The following NUSAP1 variants were observed in gnomAD, a reference collection of about 807,000 sequenced individuals.
The protein encoded by NUSAP1 is nucleolar and spindle-associated protein 1.
A neutral mutation model predicts 52.8 loss-of-function variants in NUSAP1; 32 were observed. That is an observed-to-expected ratio of 0.61 (90% CI 0.46 to 0.81). The LOEUF (loss-of-function observed/expected upper bound fraction) is 0.81. NUSAP1 is among the 40% of genes least tolerant of loss of function. NUSAP1 has a pLI of 0.00. For missense variants in NUSAP1, 499 were observed against 522.3 expected, an observed-to-expected ratio of 0.96 and a Z score of 0.43; for synonymous variants, 195 against 183.1, an observed-to-expected ratio of 1.06 and a Z score of -0.52.
chr15:41,341,159 G>A (rs564117108), intron 1 of NUSAP1, among the ~76,000 whole-genome samples: 1 of 152,272 alleles, frequency 6.6e-6, no homozygotes, highest in African/African-American at 2.4e-5. Context: ...TTCGCCTCCT[G>A]GGTTCAAGCA....
intron 8 of NUSAP1, among the ~76,000 whole-genome samples, chr15:41,374,700 G>A (rs1337398612): frequency 6.7e-6 from 1 of 149,892 alleles, no homozygotes; most frequent in Admixed American, 6.7e-5. Flanking sequence ...GCTAATTTTT[G>A]TATTTTAGTA....
At chr15:41,366,614 A>G (rs928233225) in intron 7 of NUSAP1, among the ~76,000 whole-genome samples, 10 of 152,268 alleles carry the variant, frequency 6.6e-5, no homozygotes, top group Non-Finnish European at 1.0e-4. Context: ...TAAATTTCTC[A>G]TTCAAATCAT....
intron 1 of NUSAP1, among the ~76,000 whole-genome samples, chr15:41,341,959 ACTC>A (rs2048382009): frequency 6.6e-6 from 1 of 151,754 alleles, no homozygotes; most frequent in Non-Finnish European, 1.5e-5. Context: ...AGTTCTTCAA[ACTC>A]CACCCTCATT....
intron 1 of NUSAP1, among the ~76,000 whole-genome samples, chr15:41,339,974 T>C (rs931900710): frequency 4.0e-5 from 6 of 151,418 alleles, no homozygotes; most frequent in Admixed American, 4.0e-4. Context: ...GGTTTCACCC[T>C]GTTGGCCAGG....
chr15:41,337,931 CTTTTTTT>C lies in NUSAP1; in HGVS notation c.94-4442_94-4436del, dbSNP rs757341496. Among the ~76,000 whole-genome samples the C allele has an allele frequency of 4.1e-4, 45 of 110,958 alleles. 1 individual carries two copies. The highest frequency in any genetic ancestry group is 1.1e-3 in the South Asian group (4 of 3,530). 72.8% of individuals were successfully genotyped at this position (110,958 alleles called of 152,430 possible). ...CCCATTTTTTTTTCTTTTCTTTTTT[CTTTTTTT>C]TTTTTTTTTTTTGAGTCACAGTCTT... is the stretch of plus-strand genomic sequence containing the variant. On this transcript the variant is annotated intron_variant, in intron 1 of 10. Transcript: ENST00000559596.
chr15:41,366,144 A>G (rs528383745), intron 7 of NUSAP1, among the ~76,000 whole-genome samples: 46 of 151,988 alleles, frequency 3.0e-4, no homozygotes, highest in African/African-American at 1.1e-3. Context: ...TGAAACCACC[A>G]TGCGCAGCTA....
chr15:41,356,608 C>T (rs8028208), intron 5 of NUSAP1, among the ~76,000 whole-genome samples: 2,373 of 152,234 alleles, frequency 0.016, 72 homozygotes, highest in African/African-American at 0.055. Flanking sequence ...CTGCCTCGGC[C>T]TCCCAAAGTG....
At chr15:41,369,289 G>C (rs1187795158) in intron 7 of NUSAP1, among the ~76,000 whole-genome samples, 1 of 151,924 alleles carries the variant, frequency 6.6e-6, no homozygotes, top group Non-Finnish European at 1.5e-5. Flanking sequence ...TTTAAGTTTA[G>C]AATTCTATTT....
rs138501575 is a variant in NUSAP1 at position 41,338,097 on chromosome 15, T to C, written c.94-4289T>C. ...ATAGGTGCCTGCCACCATGCCCAGC[T>C]AATTTTTTTGTATTTTTAGTAGAGA... On this transcript the variant is annotated intron_variant, in intron 1 of 10. Coordinates refer to ENST00000559596, the MANE Select transcript of NUSAP1 (RefSeq NM_016359.5). Among the ~76,000 whole-genome samples the C allele has an allele frequency of 1.6e-4, 24 of 152,044 alleles. No homozygotes were observed. In the East Asian group the frequency reaches 4.6e-3, roughly 29 times the overall value.
chr15:41,368,972 G>C (rs1389586354), intron 7 of NUSAP1, among the ~76,000 whole-genome samples: 1 of 151,902 alleles, frequency 6.6e-6, no homozygotes, highest in African/African-American at 2.4e-5. Context: ...GGCTGGTCTA[G>C]AAATCCTGGC....
intron 4 of NUSAP1, 71 bp from the exon 5 acceptor site, chr15:41,355,968 G>A (rs1315885144): frequency 8.7e-6 from 8 of 917,510 alleles, no homozygotes; most frequent in African/African-American, 1.7e-5. Context: ...GTGAGCTACC[G>A]TGCCCGGCCA....
intron 10 of NUSAP1, among the ~76,000 whole-genome samples, chr15:41,377,874 G>T (rs1363290924): frequency 6.6e-6 from 1 of 151,134 alleles, no homozygotes; most frequent in Non-Finnish European, 1.5e-5. Flanking sequence ...GGTGGCGGGC[G>T]CCTGTAGTCC....
intron 8 of NUSAP1, 31 bp from the exon 9 acceptor site, chr15:41,375,681 A>C: frequency 7.5e-7 from 1 of 1,333,234 alleles, no homozygotes; most frequent in Non-Finnish European, 1.1e-6. Flanking sequence ...GTTTCTAATT[A>C]AGCTCTTGGG....
intron 5 of NUSAP1, among the ~76,000 whole-genome samples, chr15:41,357,069 T>C (rs535674222): frequency 6.6e-6 from 1 of 152,218 alleles, no homozygotes; most frequent in African/African-American, 2.4e-5. Flanking sequence ...TTTTAAAGAA[T>C]TTAAAAACAA....
intron 8 of NUSAP1, among the ~76,000 whole-genome samples, chr15:41,372,847 G>A (rs1173186804): frequency 6.6e-6 from 1 of 152,096 alleles, no homozygotes; most frequent in African/African-American, 2.4e-5. Context: ...CAGCACTTAG[G>A]GAGGCCGAGG....
rs57501156 is a variant in NUSAP1, at chr15:41,368,728, C to CTT, written c.849-2776_849-2775dup. Among the ~76,000 whole-genome samples the CTT allele has an allele frequency of 7.0e-3, 545 of 77,870 alleles. 12 individuals are homozygous for CTT. Among genetic ancestry groups the CTT allele is most frequent in the African/African-American group, 0.014 (262 of 19,050 alleles). 51.1% of individuals were successfully genotyped at this position (77,870 alleles called of 152,430 possible). ...ACATAATTGTATTTTTTATTTTATT[C>CTT]TTTTTTTTTTTTTTTTTTTTTTTTG... is the stretch of plus-strand genomic sequence containing the variant. On this transcript the variant is annotated intron_variant, in intron 7 of 10. Transcript: ENST00000559596.
intron 6 of NUSAP1, among the ~76,000 whole-genome samples, chr15:41,364,193 C>CT (rs2049295600): frequency 6.6e-6 from 1 of 152,038 alleles, no homozygotes. Context: ...CCAAAATAAT[C>CT]TTTTTTTCTT....
At chr15:41,335,106 A>T (rs1435561177) in intron 1 of NUSAP1, among the ~76,000 whole-genome samples, 1 of 151,778 alleles carries the variant, frequency 6.6e-6, no homozygotes, top group Non-Finnish European at 1.5e-5. Context: ...CATTAAGTCA[A>T]TTGCCTTTTG....
intron 4 of NUSAP1, among the ~76,000 whole-genome samples, chr15:41,355,822 G>T (rs550085356): frequency 6.6e-6 from 1 of 151,670 alleles, no homozygotes; most frequent in African/African-American, 2.4e-5. Context: ...GACTACAGGC[G>T]CCCACCACCA....
Sources: gnomAD v4.1 joint callset for allele counts (sites outside exome capture counted in the v4.1 genomes callset) on GRCh38, gnomAD v4.1.1 for gene constraint, MANE v1.5 for transcripts, NCBI Gene and HGNC (gene_info 2026-07-23, HGNC 2026-07-21) for gene names.